The following KCNMA1 variants were observed in gnomAD, a reference collection of about 807,000 sequenced individuals.
KCNMA1 encodes the protein potassium calcium-activated channel subfamily M alpha 1, also known as Calcium-activated potassium channel subunit alpha-1.
KCNMA1 carries 29 observed loss-of-function variants against 140.0 expected under a neutral mutation model. That is an observed-to-expected ratio of 0.21 (90% CI 0.15 to 0.28). The LOEUF (loss-of-function observed/expected upper bound fraction) is 0.28. Ranked by LOEUF, KCNMA1 falls within the 10% of genes least tolerant of loss-of-function variation. The pLI is 1.00. For missense variants in KCNMA1, 880 were observed against 1,602.2 expected (o/e 0.55, Z 7.70); for synonymous variants, 612 against 611.9 (o/e 1.00, Z 0.00).
At chr10:77,567,485 A>G (rs1053487987) in intron 1 of KCNMA1, among the ~76,000 whole-genome samples, 1 of 152,208 alleles carries the variant, frequency 6.6e-6, no homozygotes, top group African/African-American at 2.4e-5. Flanking sequence ...TTATGAACAC[A>G]GTCCCTTTGT....
intron 1 of KCNMA1, among the ~76,000 whole-genome samples, chr10:77,575,057 T>C (rs758158921): frequency 5.4e-4 from 82 of 152,224 alleles, no homozygotes; most frequent in Non-Finnish European, 8.2e-4. Context: ...ACCAGAACCC[T>C]GTGTTTGTTG....
intron 1 of KCNMA1, among the ~76,000 whole-genome samples, chr10:77,610,478 T>G (rs2086437677): frequency 6.6e-6 from 1 of 152,356 alleles, no homozygotes; most frequent in East Asian, 1.9e-4. Flanking sequence ...GTGGAGGCTC[T>G]CTCTCTCTCT....
chr10:77,158,347 C>T (rs1564884887), intron 5 of KCNMA1, among the ~76,000 whole-genome samples: 2 of 152,114 alleles, frequency 1.3e-5, no homozygotes. Context: ...AGCTCATCTC[C>T]TTATTATAGG....
chr10:77,063,773 C>A lies in KCNMA1; in HGVS notation c.1749+9324G>T, dbSNP rs575900560. 1.2e-4 allele frequency: 119 copies of A among 985,278 alleles called. 1 individual carries two copies. The African/African-American group carries it at 1.9e-3, about 16-fold the overall frequency. The allele number at this position is 985,278 out of a possible 1,614,324, so 61.0% of individuals were successfully genotyped here. A position where few individuals can be genotyped will look rare whatever the true frequency, so the allele number is the denominator to read the frequency against. On this transcript the variant is annotated intron_variant, in intron 14 of 27. Transcript: ENST00000286628. ...TGGATGGCACTCAAAAAACCAAAGT[C>A]AAAAATTTGGAAGAGTGGGGAGGCA... is the stretch of plus-strand genomic sequence containing the variant.
At chr10:77,488,172 C>T (rs1221804138) in intron 1 of KCNMA1, among the ~76,000 whole-genome samples, 1 of 152,230 alleles carries the variant, frequency 6.6e-6, no homozygotes, top group Non-Finnish European at 1.5e-5. Flanking sequence ...TAAGCAGTTA[C>T]TCCCAAAGAC....
At chr10:77,129,415 T>C (rs2097804727) in intron 5 of KCNMA1, among the ~76,000 whole-genome samples, 1 of 152,200 alleles carries the variant, frequency 6.6e-6, no homozygotes, top group African/African-American at 2.4e-5. Context: ...AAAAGGAGAA[T>C]GCTTTATTTT....
intron 1 of KCNMA1, among the ~76,000 whole-genome samples, chr10:77,472,690 T>C (rs895296998): frequency 1.3e-5 from 2 of 152,256 alleles, no homozygotes; most frequent in African/African-American, 4.8e-5. Context: ...CTTTTTATTC[T>C]GTTGTTGTTT....
intron 22 of KCNMA1, among the ~76,000 whole-genome samples, chr10:76,945,645 G>A (rs1164360867): frequency 1.3e-5 from 2 of 152,124 alleles, no homozygotes; most frequent in African/African-American, 4.8e-5. Flanking sequence ...CATAGGAATG[G>A]AGAAATATAC....
chr10:77,554,584 T>A (rs1603635776), intron 1 of KCNMA1, among the ~76,000 whole-genome samples: 2 of 80,944 alleles, frequency 2.5e-5, no homozygotes, highest in East Asian at 3.4e-4. Context: ...GTGACAAGAG[T>A]AATACTCCAT....
intron 3 of KCNMA1, among the ~76,000 whole-genome samples, chr10:77,208,705 T>C (rs1226469569): frequency 6.6e-6 from 1 of 152,182 alleles, no homozygotes; most frequent in African/African-American, 2.4e-5. Flanking sequence ...CTTTATTCTA[T>C]ATTTAAAACT....
chr10:76,934,125 AC>A (rs2059929057), intron 23 of KCNMA1, among the ~76,000 whole-genome samples: 1 of 152,026 alleles, frequency 6.6e-6, no homozygotes, highest in African/African-American at 2.4e-5. Context: ...GATGTGAGCC[AC>A]CACACCAGGC....
At chr10:77,144,750 A>G (rs775902257) in intron 5 of KCNMA1, among the ~76,000 whole-genome samples, 1 of 152,094 alleles carries the variant, frequency 6.6e-6, no homozygotes, top group Admixed American at 6.5e-5. Flanking sequence ...TTCCCTCCCA[A>G]CTTCCAGTGG....
chr10:77,460,528 C>T lies in KCNMA1; in HGVS notation c.379-56505G>A, dbSNP rs1037245915. Among the ~76,000 whole-genome samples, 17 of 149,182 alleles carry T rather than the reference C, an allele frequency of 1.1e-4. No individual in the cohort carries two copies. The South Asian group carries it at 1.7e-3, about 15-fold the overall frequency. On this transcript the variant is annotated intron_variant, in intron 1 of 27. Coordinates refer to ENST00000286628, the MANE Select transcript of KCNMA1 (RefSeq NM_001161352.2). ...CTGGATAAAGAAAATGTGGTACACA[C>T]GTGCACACACACACACACACACACA... is the stretch of plus-strand genomic sequence containing the variant.
chr10:77,187,123 T>C (rs1413915788), intron 3 of KCNMA1, among the ~76,000 whole-genome samples: 1 of 152,056 alleles, frequency 6.6e-6, no homozygotes, highest in Non-Finnish European at 1.5e-5. Context: ...GTGGCCTCTG[T>C]GGTTAATTTG....
Position 77,019,023 on chromosome 10 carries a change from C to T in KCNMA1, c.2005G>A (p.Glu669Lys). The T allele has an allele frequency of 6.3e-7, 1 of 1,579,558 alleles. No homozygotes were observed. The highest frequency in any genetic ancestry group is 8.7e-7 in the Non-Finnish European group (1 of 1,148,830). ...LGFFIASDAK[E>K]VKRAFFYCKA... Reference sequence around the variant, plus strand: ...AAAATAAACTCTTACCTTTTAACTTCTTTGGCATCACTTGCGATGAAAAAT... The same window carrying T: ...AAAATAAACTCTTACCTTTTAACTTTTTTGGCATCACTTGCGATGAAAAAT... The change falls in exon 17 of 28, where the codon GAA (glutamate) becomes AAA (lysine). Residue 669 changes from glutamate (E) to lysine (K), a missense_variant. By Grantham distance (56) the Glu-to-Lys change is moderately conservative. This residue lies in a region of KCNMA1 where 196 missense variants were observed against 233.0 expected (regional missense o/e 0.84). Coordinates refer to ENST00000286628, the MANE Select transcript of KCNMA1 (RefSeq NM_001161352.2).
Position 77,557,860 on chromosome 10 carries a change from G to A in KCNMA1, c.378+79405C>T, listed in dbSNP as rs573065468. On this transcript the variant is annotated intron_variant, in intron 1 of 27. Coordinates refer to ENST00000286628, the MANE Select transcript of KCNMA1 (RefSeq NM_001161352.2). ...AGACAGGGTTTCACCATGTTAGCCAGGCTAGTCTTGAACTCCTGACCTCAG... is the reference window on the plus strand; with the variant it reads ...AGACAGGGTTTCACCATGTTAGCCAAGCTAGTCTTGAACTCCTGACCTCAG... 3.9e-5 allele frequency among the ~76,000 whole-genome samples: 6 copies of A among 152,148 alleles called. No individual in the cohort carries two copies. The South Asian group carries it at 1.2e-3, about 32-fold the overall frequency.
intron 2 of KCNMA1, among the ~76,000 whole-genome samples, chr10:77,360,406 T>C (rs1383423514): frequency 6.6e-6 from 1 of 151,820 alleles, no homozygotes; most frequent in Non-Finnish European, 1.5e-5. Context: ...GCCAGAGAGC[T>C]GCTGGGTTTC....
At chr10:77,516,591 G>A (rs917471142) in intron 1 of KCNMA1, among the ~76,000 whole-genome samples, 4 of 152,250 alleles carry the variant, frequency 2.6e-5, no homozygotes, top group African/African-American at 7.2e-5. Context: ...AGTAAGATAC[G>A]TTCCAAAAGC....
rs2098500837 is a variant in KCNMA1, at chr10:77,157,410, TATCTA to T, written c.808+26006_808+26010del. On this transcript the variant is annotated intron_variant, in intron 5 of 27. Coordinates refer to ENST00000286628, the MANE Select transcript of KCNMA1 (RefSeq NM_001161352.2). ...TTTACTTATCTACTGTACAGAAAAA[TATCTA>T]GAATGATCTTTATCCAATGTGATCA... Among the ~76,000 whole-genome samples, 4 of 152,266 alleles carry T rather than the reference TATCTA, an allele frequency of 2.6e-5. No homozygotes were observed. The South Asian group carries it at 8.3e-4, about 32-fold the overall frequency.
Sources: allele counts gnomAD v4.1 joint callset (sites outside exome capture counted in the v4.1 genomes callset), GRCh38; gene constraint gnomAD v4.1.1; regional missense constraint gnomAD v4.1.1; transcripts MANE v1.5; gene names NCBI Gene and HGNC (gene_info 2026-07-23, HGNC 2026-07-21).